The following ATXN1 variants were observed in gnomAD, a reference collection of about 807,000 sequenced individuals.
The protein encoded by ATXN1 is ataxin-1.
Under a neutral mutation model 56.4 loss-of-function variants are expected in ATXN1, and 8 were observed. That is an observed-to-expected ratio of 0.14 (90% confidence interval 0.08 to 0.26). The LOEUF is 0.26. ATXN1 is among the 10% of genes least tolerant of loss of function. The pLI is 1.00. For missense variants in ATXN1, 987 were observed against 1,106.5 expected (o/e 0.89, Z 1.53); for synonymous variants, 514 against 494.6 (o/e 1.04, Z -0.52).
intron 6 of ATXN1, among the ~76,000 whole-genome samples, chr6:16,373,001 G>C (rs1317024488): frequency 2.6e-5 from 4 of 151,916 alleles, no homozygotes; most frequent in Non-Finnish European, 5.9e-5. Context: ...AGAGAATGTA[G>C]AGACAGAAGT....
chr6:16,388,905 T>C (rs574445331), intron 6 of ATXN1, among the ~76,000 whole-genome samples: 1 of 152,330 alleles, frequency 6.6e-6, no homozygotes, highest in South Asian at 2.1e-4. Context: ...TATATAATTA[T>C]CATTATTTAA....
At chr6:16,426,738 C>T (rs1270018565) in intron 6 of ATXN1, among the ~76,000 whole-genome samples, 1 of 152,086 alleles carries the variant, frequency 6.6e-6, no homozygotes, top group African/African-American at 2.4e-5. Context: ...CTGTCTATCT[C>T]TGTCTCTCTG....
chr6:16,327,599 A>C lies in ATXN1; in HGVS notation c.712T>G (p.Ser238Ala). The part of the protein sequence containing the change: ...SRAPGLITPG[S>A]PPPAQQNQYV... ...TGGTTCTGCTGGGCTGGTGGGGGGGACCCCGGGGTGATGAGCCCCGGAGCC... is the reference window on the plus strand; with the variant it reads ...TGGTTCTGCTGGGCTGGTGGGGGGGCCCCCGGGGTGATGAGCCCCGGAGCC... Residue 238 changes from serine to alanine, a missense_variant, in exon 7 of 8, where the codon TCC becomes GCC. Coordinates refer to ENST00000436367, the MANE Select transcript of ATXN1 (RefSeq NM_001128164.2). 1 of 1,582,116 alleles carries C rather than the reference A, an allele frequency of 6.3e-7. No homozygotes were observed. The highest frequency in any genetic ancestry group is 1.4e-5 in the African/African-American group (1 of 71,192).
At chr6:16,735,919 C>A (rs1282010846) in intron 2 of ATXN1, among the ~76,000 whole-genome samples, 1 of 152,154 alleles carries the variant, frequency 6.6e-6, no homozygotes, top group Non-Finnish European at 1.5e-5. Flanking sequence ...ACAACTTATT[C>A]CGCATTATTT....
chr6:16,686,657 T>C (rs774615082), intron 2 of ATXN1, among the ~76,000 whole-genome samples: 3 of 152,216 alleles, frequency 2.0e-5, no homozygotes, highest in Non-Finnish European at 4.4e-5. Context: ...GGGAAGTCAA[T>C]TTTTCCATCA....
chr6:16,632,577 C>A (rs1017440370), intron 3 of ATXN1, among the ~76,000 whole-genome samples: 6 of 151,988 alleles, frequency 3.9e-5, no homozygotes, highest in African/African-American at 1.5e-4. Context: ...CACTGGGATG[C>A]GGGGTTGGGG....
At chr6:16,514,648 G>T (rs551667415) in intron 5 of ATXN1, among the ~76,000 whole-genome samples, 1 of 152,178 alleles carries the variant, frequency 6.6e-6, no homozygotes, top group African/African-American at 2.4e-5. Flanking sequence ...TACTCACGTG[G>T]GCATATCTGG....
chr6:16,332,690 A>G (rs964386907), intron 6 of ATXN1, among the ~76,000 whole-genome samples: 4 of 152,266 alleles, frequency 2.6e-5, no homozygotes, highest in African/African-American at 4.8e-5. Flanking sequence ...AGATGAATCA[A>G]GACAAATGTA....
chr6:16,685,270 A>T (rs1758894113), intron 2 of ATXN1, among the ~76,000 whole-genome samples: 1 of 152,220 alleles, frequency 6.6e-6, no homozygotes, highest in African/African-American at 2.4e-5. Flanking sequence ...CATTTTGCTA[A>T]ACTTTAAAAA....
At position 16,439,022 on chromosome 6, in the gene ATXN1, G is replaced by C. The variant is rs1483262312; in HGVS notation, c.-161+46950C>G. 2.6e-5 allele frequency among the ~76,000 whole-genome samples: 4 copies of C among 152,038 alleles called. No homozygotes were observed. The East Asian group carries it at 7.8e-4, about 30-fold the overall frequency. On this transcript the variant is annotated intron_variant, in intron 6 of 7. Transcript: ENST00000436367. ...AGCTTCCAAAAGAGGAAACTCCAAA[G>C]TTACCCTTTCATTACTGAATTTCTC...
At chr6:16,508,271 G>A (rs191305040) in intron 5 of ATXN1, among the ~76,000 whole-genome samples, 1 of 152,288 alleles carries the variant, frequency 6.6e-6, no homozygotes, top group Non-Finnish European at 1.5e-5. Flanking sequence ...GATAAAAGTT[G>A]TAAGTAAAAT....
intron 6 of ATXN1, among the ~76,000 whole-genome samples, chr6:16,411,920 T>C (rs1428091581): frequency 1.3e-5 from 2 of 152,236 alleles, no homozygotes; most frequent in Admixed American, 6.5e-5. Context: ...CCTTAGTAGA[T>C]TGTCAGCTTC....
At chr6:16,540,801 C>T (rs1761700437) in intron 4 of ATXN1, among the ~76,000 whole-genome samples, 2 of 152,110 alleles carry the variant, frequency 1.3e-5, no homozygotes, top group African/African-American at 2.4e-5. Context: ...CATGTATTTA[C>T]TTATGAGTTC....
At chr6:16,338,945 GAATA>G (rs1761184165) in intron 6 of ATXN1, among the ~76,000 whole-genome samples, 1 of 152,150 alleles carries the variant, frequency 6.6e-6, no homozygotes, top group East Asian at 1.9e-4. Context: ...CACACAAGCA[GAATA>G]AACAGAAAGC....
intron 6 of ATXN1, among the ~76,000 whole-genome samples, chr6:16,418,942 C>T (rs1053118613): frequency 3.9e-5 from 6 of 151,958 alleles, no homozygotes; most frequent in African/African-American, 1.5e-4. Context: ...ATTTTCAGGC[C>T]TCGATATGCC....
chr6:16,736,425 TTAAAA>T (rs1414488016), intron 2 of ATXN1, among the ~76,000 whole-genome samples: 2 of 152,178 alleles, frequency 1.3e-5, no homozygotes, highest in Admixed American at 6.5e-5. Context: ...GAAATCAACC[TTAAAA>T]TAAAGAGCTT....
At chr6:16,460,469 T>C (rs1487160068) in intron 6 of ATXN1, among the ~76,000 whole-genome samples, 2 of 152,178 alleles carry the variant, frequency 1.3e-5, no homozygotes, top group Non-Finnish European at 2.9e-5. Context: ...TCTCACCATC[T>C]AGACTACTCA....
intron 2 of ATXN1, among the ~76,000 whole-genome samples, chr6:16,707,103 A>G (rs567701451): frequency 1.4e-4 from 21 of 152,156 alleles, no homozygotes; most frequent in Non-Finnish European, 3.1e-4. Flanking sequence ...CTCCTCAGGA[A>G]TCTGTAGGCT....
At chr6:16,725,338 A>C (rs1378539405) in intron 2 of ATXN1, among the ~76,000 whole-genome samples, 1 of 152,144 alleles carries the variant, frequency 6.6e-6, no homozygotes, top group African/African-American at 2.4e-5. Flanking sequence ...TTAATTTGTT[A>C]TTGCGAGTTC....
Sources: gnomAD v4.1 joint callset for allele counts (sites outside exome capture counted in the v4.1 genomes callset) on GRCh38, gnomAD v4.1.1 for gene constraint, MANE v1.5 for transcripts, NCBI Gene and HGNC (gene_info 2026-07-23, HGNC 2026-07-21) for gene names.